The following KRT18 variants were observed in gnomAD, a reference collection of about 807,000 sequenced individuals.
KRT18 encodes keratin, type I cytoskeletal 18.
KRT18 carries 8 observed loss-of-function variants against 39.9 expected under a neutral mutation model. That is an observed-to-expected ratio of 0.20 (90% CI 0.12 to 0.36). The LOEUF is 0.36. Among genes scored for constraint, KRT18 ranks in the 10% least tolerant of loss-of-function variants. KRT18 has a pLI of 1.00. For missense variants in KRT18, 396 were observed against 565.7 expected, an observed-to-expected ratio of 0.70 and a Z score of 3.04; for synonymous variants, 194 against 227.8, an observed-to-expected ratio of 0.85 and a Z score of 1.33.
At chr12:52,952,091 C>T (rs762468681) in intron 5 of KRT18, 28 bp from the exon 6 acceptor site, 47 of 1,517,764 alleles carry the variant, frequency 3.1e-5, no homozygotes, top group East Asian at 7.3e-5. Flanking sequence ...CTGGGCTCAC[C>T]CTGCCCCTCC....
In KRT18 at chr12:52,951,646, G is replaced by T; in HGVS notation, c.822+1G>T. The T allele has an allele frequency of 6.2e-7, 1 of 1,613,678 alleles. No individual in the cohort carries two copies. Among genetic ancestry groups the T allele is most frequent in the Non-Finnish European group, 8.5e-7 (1 of 1,180,004 alleles). ...GCTAGACAAGTACTGGTCTCAGCAG[G>T]TGCGTGAGGGGAGGGGATGGCTGCC... On this transcript the variant is annotated splice_donor_variant, in intron 4 of 6. Coordinates refer to ENST00000388835, the MANE Select transcript of KRT18 (RefSeq NM_000224.3). LOFTEE classifies it high-confidence loss of function.
At chr12:52,949,778 C>T (rs1025357857) in intron 1 of KRT18, 188 bp downstream of exon 1, 19 of 716,500 alleles carry the variant, frequency 2.7e-5, no homozygotes, top group Admixed American at 1.6e-4. Flanking sequence ...CATGGGAGGG[C>T]TCTTTCCCAG....
Position 52,952,264 on chromosome 12 carries a change from C to T in KRT18, c.1094C>T (p.Ala365Val). ...EGQRQAQEYE[A>V]LLNIKVKLEA... Reference sequence around the variant, plus strand: ...CAGCGCCAGGCCCAGGAGTATGAGGCCCTGCTGAACATCAAGGTCAAGCTG... The same window carrying T: ...CAGCGCCAGGCCCAGGAGTATGAGGTCCTGCTGAACATCAAGGTCAAGCTG... The change falls in exon 6 of 7, where the codon GCC becomes GTC. Residue 365 changes from alanine to valine, a missense_variant. Coordinates refer to ENST00000388835, the MANE Select transcript of KRT18 (RefSeq NM_000224.3). 1 of 1,607,526 alleles carries T rather than the reference C, an allele frequency of 6.2e-7. No homozygotes were observed. Among genetic ancestry groups the T allele is most frequent in the South Asian group, 1.1e-5 (1 of 89,756 alleles).
In KRT18 at chr12:52,952,237, G is replaced by T; in HGVS notation, c.1067G>T (p.Gly356Val). ...GAGCTGGCACAGACCCGGGCAGAGG[G>T]ACAGCGCCAGGCCCAGGAGTATGAG... Reference protein sequence around the residue: ...ESELAQTRAEGQRQAQEYEAL... With the variant: ...ESELAQTRAEVQRQAQEYEAL... The change falls in exon 6 of 7, where the codon GGA (glycine) becomes GTA (valine). Residue 356 changes from glycine to valine, a missense_variant. Physicochemically the swap from Gly to Val is moderately radical, Grantham distance 109. Coordinates refer to ENST00000388835, the MANE Select transcript of KRT18 (RefSeq NM_000224.3). 1 of 1,604,150 alleles carries T rather than the reference G, an allele frequency of 6.2e-7. No homozygotes were observed. The highest frequency in any genetic ancestry group is 8.5e-7 in the Non-Finnish European group (1 of 1,176,338).
intron 2 of KRT18, 145 bp from the exon 3 acceptor site, chr12:52,950,605 G>C (rs1942465976): frequency 1.1e-6 from 1 of 882,382 alleles, no homozygotes; most frequent in Non-Finnish European, 1.9e-6. Context: ...CAAGTGCCAA[G>C]AATGGTGCTC....
chr12:52,952,033 G>T (rs535011233), intron 5 of KRT18, 86 bp from the exon 6 acceptor site: 93 of 1,324,044 alleles, frequency 7.0e-5, no homozygotes, highest in Non-Finnish European at 8.6e-5. Flanking sequence ...CACATAGCAG[G>T]TGCCCAAAAA....
In KRT18 at chr12:52,952,813, A is replaced by G; in HGVS notation, c.1264A>G (p.Thr422Ala). 6.2e-7 allele frequency: 1 copy of G among 1,610,460 alleles called. No individual in the cohort carries two copies. The highest frequency in any genetic ancestry group is 8.5e-7 in the Non-Finnish European group (1 of 1,179,410). The change falls in exon 7 of 7, where the codon ACC (threonine) becomes GCC (alanine). Residue 422 changes from threonine to alanine, a missense_variant. Coordinates refer to ENST00000388835, the MANE Select transcript of KRT18 (RefSeq NM_000224.3). ...RIVDGKVVSE[T>A]NDTKVLRH ...AGTGGATGGCAAAGTGGTGTCTGAG[A>G]CCAATGACACCAAAGTTCTGAGGCA...
At chr12:52,949,654 C>T (rs779278530) in intron 1 of KRT18, 64 bp downstream of exon 1, 45 of 1,424,668 alleles carry the variant, frequency 3.2e-5, no homozygotes, top group Middle Eastern at 3.5e-4. Context: ...CACTCCTTTG[C>T]CTCTTTCCGT....
At position 52,950,851 on chromosome 12, in the gene KRT18, C is replaced by G; in HGVS notation, c.602C>G (p.Thr201Arg). The change falls in exon 3 of 7, where the codon ACA becomes AGA. Residue 201 changes from threonine to arginine, a missense_variant. Transcript: ENST00000388835. The part of the protein sequence containing the change: ...DTNITRLQLE[T>R]EIEALKEELL... ...AATATCACACGACTGCAGCTGGAGA[C>G]AGAGATCGAGGCTCTCAAGGAGGAG... is the stretch of plus-strand genomic sequence containing the variant. The G allele has an allele frequency of 6.2e-7, 1 of 1,604,970 alleles. No individual in the cohort carries two copies. Among genetic ancestry groups the G allele is most frequent in the Non-Finnish European group, 8.5e-7 (1 of 1,176,492 alleles).
rs560230776 is a variant in KRT18 at position 52,950,780 on chromosome 12, T to C, written c.531T>C (p.Ser177=). 1 of 1,611,140 alleles carries C rather than the reference T, an allele frequency of 6.2e-7. No homozygotes were observed. The highest frequency in any genetic ancestry group is 1.1e-5 in the South Asian group (1 of 90,676). ...AGACAGAGCTGGCCATGCGCCAGTC[T>C]GTGGAGAACGACATCCATGGGCTCC... ...KYETELAMRQ[S]VENDIHGLRK... is the part of the protein sequence containing the mutation. Residue 177 remains serine (S), a synonymous_variant, in exon 3 of 7, where the codon TCT becomes TCC. Transcript: ENST00000388835.
Position 52,951,473 on chromosome 12 carries a change from A to G in KRT18, c.658-8A>G, listed in dbSNP as rs1314604132. 1 of 1,613,862 alleles carries G rather than the reference A, an allele frequency of 6.2e-7. No individual in the cohort carries two copies. Among genetic ancestry groups the G allele is most frequent in the South Asian group, 1.1e-5 (1 of 91,066 alleles). On this transcript the variant is annotated splice_region_variant and splice_polypyrimidine_tract_variant and intron_variant, in intron 3 of 6. Transcript: ENST00000388835. The stretch of plus-strand genomic sequence containing the variant: ...AACCCTCCTCACTTTTGCCCCTGTC[A>G]CCTTTAGGAAGTAAAAGGCCTACAA...
At chr12:52,949,616 C>T in intron 1 of KRT18, 26 bp downstream of exon 1, 1 of 1,598,234 alleles carries the variant, frequency 6.3e-7, no homozygotes, top group South Asian at 1.1e-5. Flanking sequence ...GACCTCAACT[C>T]CCAGCCTTGT....
upstream of KRT18, chr12:52,949,098 G>C: frequency 1.5e-6 from 2 of 1,321,532 alleles, no homozygotes; most frequent in East Asian, 2.5e-5. Context: ...GATATAACTC[G>C]GGTCGCGCGG....
At chr12:52,949,843 G>A (rs1204995410) in intron 1 of KRT18, 2 of 702,118 alleles carry the variant, frequency 2.8e-6, no homozygotes, top group East Asian at 2.7e-5. Flanking sequence ...TGGACAGCAT[G>A]GAGGGAGGTA....
In KRT18 at chr12:52,952,206, G is replaced by A. The variant is rs143380812; in HGVS notation, c.1036G>A (p.Glu346Lys). The change falls in exon 6 of 7, where the codon GAG becomes AAG. Residue 346 changes from glutamate (E) to lysine (K), a missense_variant. Coordinates refer to ENST00000388835, the MANE Select transcript of KRT18 (RefSeq NM_000224.3). ...GCTCAACGGGATCCTGCTGCACCTT[G>A]AGTCAGAGCTGGCACAGACCCGGGC... ...EQLNGILLHL[E>K]SELAQTRAEG... The A allele has an allele frequency of 5.0e-6, 8 of 1,594,864 alleles. No homozygotes were observed. In the African/African-American group the frequency reaches 8.0e-5, roughly 16 times the overall value.
rs78479490 is a variant in KRT18 at position 52,949,321 on chromosome 12, C to G, written c.148C>G (p.Arg50Gly). ...CTCTGGTTCCCGGATCTCCGTGTCC[C>G]GCTCCACCAGCTTCAGGGGCGGCAT... is the stretch of plus-strand genomic sequence containing the variant. Reference protein sequence around the residue: ...GGSGSRISVSRSTSFRGGMGS... With the variant: ...GGSGSRISVSGSTSFRGGMGS... The change falls in exon 1 of 7, where the codon CGC becomes GGC. Residue 50 changes from arginine to glycine, a missense_variant. Coordinates refer to ENST00000388835, the MANE Select transcript of KRT18 (RefSeq NM_000224.3). 1 of 1,535,080 alleles carries G rather than the reference C, an allele frequency of 6.5e-7. No individual in the cohort carries two copies. The highest frequency in any genetic ancestry group is 8.8e-7 in the Non-Finnish European group (1 of 1,136,082).
chr12:52,950,245 G>A, intron 1 of KRT18, 83 bp from the exon 2 acceptor site: 2 of 986,332 alleles, frequency 2.0e-6, no homozygotes, highest in Admixed American at 1.7e-5. Context: ...TTTTCACTAG[G>A]ATACATAACA....
chr12:52,949,864 T>G (rs1942448215), intron 1 of KRT18: 1 of 695,814 alleles, frequency 1.4e-6, no homozygotes. Context: ...AGGAAAGGCC[T>G]GTAAAGAGGA....
intron 4 of KRT18, 27 bp from the exon 5 acceptor site, chr12:52,951,704 G>A: frequency 6.2e-7 from 1 of 1,613,162 alleles, no homozygotes; most frequent in Non-Finnish European, 8.5e-7. Flanking sequence ...GGAATGAGGG[G>A]CCTGATGGAC....
Sources: gnomAD v4.1 joint callset for allele counts on GRCh38, gnomAD v4.1.1 for gene constraint, MANE v1.5 for transcripts, NCBI Gene and HGNC (gene_info 2026-07-23, HGNC 2026-07-21) for gene names.